PTPRD: variants seen among roughly 807,000 people sequenced by gnomAD.
The protein encoded by PTPRD is protein tyrosine phosphatase receptor type D.
PTPRD carries 34 observed loss-of-function variants against 214.5 expected under a neutral mutation model. The observed-to-expected ratio is 0.16, with a 90% confidence interval of 0.12 to 0.21. The LOEUF (loss-of-function observed/expected upper bound fraction) is 0.21, where lower values mean the gene tolerates loss of function less well. PTPRD is among the 10% of genes least tolerant of loss of function. The pLI, the probability that PTPRD is intolerant of heterozygous loss-of-function variation, is 1.00. For synonymous variants in PTPRD, 1,128 were observed against 845.7 expected (o/e 1.33, Z -5.79); for missense variants, 2,545 against 2,398.7 (o/e 1.06, Z -1.27).
At chr9:8,546,645 T>G (rs2080253081) in intron 14 of PTPRD, among the ~76,000 whole-genome samples, 1 of 152,002 alleles carries the variant, frequency 6.6e-6, no homozygotes, top group Non-Finnish European at 1.5e-5. Flanking sequence ...ATTACAGGCG[T>G]GCGCCACCAT....
intron 3 of PTPRD, among the ~76,000 whole-genome samples, chr9:10,257,048 C>A (rs893230184): frequency 6.6e-6 from 1 of 151,952 alleles, no homozygotes; most frequent in African/African-American, 2.4e-5. Context: ...CTGTTTCCTC[C>A]TCAAGACTGA....
At chr9:9,317,763 C>T (rs1964074703) in intron 9 of PTPRD, among the ~76,000 whole-genome samples, 1 of 152,018 alleles carries the variant, frequency 6.6e-6, no homozygotes, top group Non-Finnish European at 1.5e-5. Flanking sequence ...TGGATCACCA[C>T]AGATATAAAA....
intron 8 of PTPRD, among the ~76,000 whole-genome samples, chr9:9,518,556 G>T (rs2096890628): frequency 6.6e-6 from 1 of 152,026 alleles, no homozygotes; most frequent in Non-Finnish European, 1.5e-5. Context: ...TGGCAATGTA[G>T]TTAAATGTAG....
intron 3 of PTPRD, among the ~76,000 whole-genome samples, chr9:10,282,186 G>T (rs931636265): frequency 2.0e-5 from 3 of 152,118 alleles, no homozygotes; most frequent in African/African-American, 7.2e-5. Context: ...ATGATATAGA[G>T]AATTTACTTA....
intron 8 of PTPRD, among the ~76,000 whole-genome samples, chr9:9,558,108 T>C (rs562981191): frequency 6.6e-6 from 1 of 152,230 alleles, no homozygotes; most frequent in Non-Finnish European, 1.5e-5. Context: ...ATCTGCAAGA[T>C]GGACAGCTTT....
chr9:10,601,937 G>C (rs1414577587), intron 2 of PTPRD, among the ~76,000 whole-genome samples: 1 of 151,774 alleles, frequency 6.6e-6, no homozygotes, highest in African/African-American at 2.4e-5. Flanking sequence ...GAAAGGAGCT[G>C]TCTCATAGGG....
At chr9:10,503,199 A>AAAAAAAAAAAAC (rs1566569077) in intron 2 of PTPRD, among the ~76,000 whole-genome samples, 1 of 132,066 alleles carries the variant, frequency 7.6e-6, no homozygotes, top group African/African-American at 3.3e-5. Flanking sequence ...AATACAAAAA[A>AAAAAAAAAAAAC]AAAAAAAACA....
At chr9:10,250,419 C>T (rs1407567179) in intron 3 of PTPRD, among the ~76,000 whole-genome samples, 4 of 152,012 alleles carry the variant, frequency 2.6e-5, no homozygotes, top group African/African-American at 7.2e-5. Flanking sequence ...CCAAATTTCG[C>T]AATGTCAGAA....
chr9:9,046,441 T>C (rs1435781912), intron 10 of PTPRD, among the ~76,000 whole-genome samples: 2 of 152,184 alleles, frequency 1.3e-5, no homozygotes, highest in Admixed American at 6.6e-5. Flanking sequence ...ATAAGTTCTG[T>C]TTCCATTTGG....
At chr9:8,955,377 C>G (rs1360931990) in intron 11 of PTPRD, among the ~76,000 whole-genome samples, 1 of 151,660 alleles carries the variant, frequency 6.6e-6, no homozygotes, top group East Asian at 1.9e-4. Context: ...CAGAGGTGTC[C>G]CTTTGTGCTC....
At chr9:9,377,154 A>G (rs1169606797) in intron 9 of PTPRD, among the ~76,000 whole-genome samples, 1 of 152,142 alleles carries the variant, frequency 6.6e-6, no homozygotes, top group Non-Finnish European at 1.5e-5. Flanking sequence ...ATCCAGTTAT[A>G]AGGTTTTTAT....
rs1386280566 is a variant in PTPRD, at chr9:9,957,459, G to C, written c.-471-18849C>G. Among the ~76,000 whole-genome samples the C allele has an allele frequency of 2.0e-5, 3 of 151,988 alleles. No homozygotes were observed. In the East Asian group the frequency reaches 5.8e-4, roughly 29 times the overall value. On this transcript the variant is annotated intron_variant, in intron 4 of 45. Transcript: ENST00000381196. ...AAGGTAAAATGTTACAAGAGAGCAA[G>C]CATATTTACAAAAAATTATACAATT...
chr9:8,776,969 A>T (rs1022397129), intron 11 of PTPRD, among the ~76,000 whole-genome samples: 1 of 148,584 alleles, frequency 6.7e-6, no homozygotes, highest in African/African-American at 2.4e-5. Context: ...AATATATTCT[A>T]TTCATATATA....
At position 9,463,003 on chromosome 9, in the gene PTPRD, A is replaced by G. The variant is rs573787206; in HGVS notation, c.-236-65521T>C. The stretch of plus-strand genomic sequence containing the variant: ...TTTTACTGAACTGACTACCAAAAGT[A>G]AAAAAGATTGTTTGTGGCATCTAGT... On this transcript the variant is annotated intron_variant, in intron 8 of 45. Coordinates refer to ENST00000381196, the MANE Select transcript of PTPRD (RefSeq NM_002839.4). 1.4e-4 allele frequency among the ~76,000 whole-genome samples: 21 copies of G among 152,308 alleles called. No homozygotes were observed. In the South Asian group the frequency reaches 1.9e-3, roughly 14 times the overall value.
At chr9:8,444,335 G>A (rs1281209011) in intron 34 of PTPRD, among the ~76,000 whole-genome samples, 1 of 152,018 alleles carries the variant, frequency 6.6e-6, no homozygotes, top group Non-Finnish European at 1.5e-5. Context: ...ATAGTTAAAT[G>A]TCACAACAGC....
intron 5 of PTPRD, among the ~76,000 whole-genome samples, chr9:9,891,579 T>G (rs2073346814): frequency 6.6e-6 from 1 of 152,154 alleles, no homozygotes; most frequent in Non-Finnish European, 1.5e-5. Context: ...TTAACTATTT[T>G]TGAATGCTGA....
intron 2 of PTPRD, among the ~76,000 whole-genome samples, chr9:10,577,733 A>T (rs891106026): frequency 2.6e-5 from 4 of 152,180 alleles, no homozygotes; most frequent in Admixed American, 2.6e-4. Flanking sequence ...ATCAACATAG[A>T]ACTTAAGATA....
intron 10 of PTPRD, among the ~76,000 whole-genome samples, chr9:9,048,520 G>C (rs781662266): frequency 1.3e-5 from 2 of 152,140 alleles, no homozygotes; most frequent in Admixed American, 6.6e-5. Flanking sequence ...GATGGAACTG[G>C]AGATTATTAT....
intron 3 of PTPRD, among the ~76,000 whole-genome samples, chr9:10,317,682 C>T (rs2096467638): frequency 6.6e-6 from 1 of 151,746 alleles, no homozygotes; most frequent in Admixed American, 6.6e-5. Flanking sequence ...AATGTTGCAA[C>T]CTATTCATAT....
Sources: gnomAD v4.1 joint callset for allele counts (sites outside exome capture counted in the v4.1 genomes callset) on GRCh38, gnomAD v4.1.1 for gene constraint, MANE v1.5 for transcripts, NCBI Gene and HGNC (gene_info 2026-07-23, HGNC 2026-07-21) for gene names.